Variants in ZFYVE9 observed in about 807,000 individuals in gnomAD.
The protein encoded by ZFYVE9 is zinc finger FYVE-type containing 9.
Under a neutral mutation model 126.7 loss-of-function variants are expected in ZFYVE9, and 43 were observed. The observed-to-expected ratio is 0.34, with a 90% CI of 0.27 to 0.44. The LOEUF (loss-of-function observed/expected upper bound fraction) is 0.44. Among genes scored for constraint, ZFYVE9 ranks in the 20% least tolerant of loss-of-function variants. The probability of loss-of-function intolerance (pLI) is 1.00; values close to 1 mark genes in which losing one functional copy is unlikely to be tolerated. For synonymous variants in ZFYVE9, 521 were observed against 597.4 expected (o/e 0.87, Z 1.87); for missense variants, 1,476 against 1,697.0 (o/e 0.87, Z 2.29).
intron 11 of ZFYVE9, among the ~76,000 whole-genome samples, chr1:52,294,348 T>G (rs1163497943): frequency 6.6e-6 from 1 of 152,232 alleles, no homozygotes; most frequent in Non-Finnish European, 1.5e-5. Flanking sequence ...AATGCTTGCC[T>G]TCTATTTTAT....
At position 52,268,470 on chromosome 1, in the gene ZFYVE9, G is replaced by T. The variant is rs775986020; in HGVS notation, c.2463G>T (p.Gln821His). Residue 821 changes from glutamine (Q) to histidine (H), a missense_variant, in exon 7 of 19, where the codon CAG (glutamine) becomes CAT (histidine). Gln to His is a conservative substitution (Grantham distance 24). Around this residue, in one of 2 missense-constraint regions of ZFYVE9, gnomAD observed 669 missense variants for 902.4 expected, o/e 0.74. Coordinates refer to ENST00000287727, the MANE Select transcript of ZFYVE9 (RefSeq NM_004799.4). Reference protein sequence around the residue: ...VLKHPGAEVAQPREQRRVWFA... With the variant: ...VLKHPGAEVAHPREQRRVWFA... ...TTTTTCTGGCCCCTCAAGTGGCTCA[G>T]CCCAGAGAGCAGAGGCGAGTTTGGT... 2.5e-6 allele frequency: 4 copies of T among 1,613,804 alleles called. No homozygotes were observed. In the South Asian group the frequency reaches 4.4e-5, roughly 18 times the overall value.
intron 2 of ZFYVE9, among the ~76,000 whole-genome samples, chr1:52,219,899 T>C (rs1645108385): frequency 6.6e-6 from 1 of 151,832 alleles, no homozygotes; most frequent in Non-Finnish European, 1.5e-5. Context: ...TGCCTTGGCC[T>C]CCTGAGTAGC....
At chr1:52,180,431 T>A in intron 1 of ZFYVE9, 1 of 1,415,556 alleles carries the variant, frequency 7.1e-7, no homozygotes, top group Non-Finnish European at 9.9e-7. Flanking sequence ...GAAAACTGTC[T>A]GAATCTGGAG....
In ZFYVE9 at chr1:52,346,341, TAGGGTGGGA is replaced by T; in HGVS notation, c.*121_*129del. ...TTAACACTATTAATGGGGTGGGGAA[TAGGGTGGGA>T]GTGGGGGTTTGGGAGACGGGTGGGA... is the stretch of plus-strand genomic sequence containing the variant. On this transcript the variant is annotated 3_prime_UTR_variant, in exon 19 of 19. Transcript: ENST00000287727. 6 of 948,116 alleles carry T rather than the reference TAGGGTGGGA, an allele frequency of 6.3e-6. No individual in the cohort carries two copies. Among genetic ancestry groups the T allele is most frequent in the Non-Finnish European group, 8.7e-6 (6 of 691,148 alleles). The allele number at this position is 948,116 out of a possible 1,614,324, so 58.7% of individuals were successfully genotyped here.
intron 1 of ZFYVE9, among the ~76,000 whole-genome samples, chr1:52,203,667 T>C (rs991854533): frequency 2.0e-5 from 3 of 151,040 alleles, no homozygotes; most frequent in Admixed American, 6.6e-5. Flanking sequence ...TTTTTCTCTT[T>C]TCCTTCTGGT....
intron 2 of ZFYVE9, among the ~76,000 whole-genome samples, chr1:52,220,805 G>T (rs1475652264): frequency 6.6e-6 from 1 of 152,154 alleles, no homozygotes; most frequent in African/African-American, 2.4e-5. Flanking sequence ...AGAAGATGGG[G>T]ATCGCAGCTG....
intron 1 of ZFYVE9, among the ~76,000 whole-genome samples, chr1:52,214,138 T>C (rs1232272583): frequency 1.3e-5 from 2 of 152,068 alleles, no homozygotes; most frequent in Non-Finnish European, 2.9e-5. Flanking sequence ...TGTAAAGTTA[T>C]AAATGTGGCC....
chr1:52,201,211 A>G (rs867257422), intron 1 of ZFYVE9, among the ~76,000 whole-genome samples: 1 of 152,070 alleles, frequency 6.6e-6, no homozygotes, highest in Middle Eastern at 3.2e-3. Context: ...TGTTATATTT[A>G]TATAGAAGTA....
intron 1 of ZFYVE9, among the ~76,000 whole-genome samples, chr1:52,195,894 G>A (rs1378697795): frequency 1.3e-5 from 2 of 151,892 alleles, no homozygotes; most frequent in African/African-American, 4.8e-5. Flanking sequence ...ATGGGTTCAA[G>A]CAATTCTCCT....
intron 4 of ZFYVE9, among the ~76,000 whole-genome samples, chr1:52,259,970 C>T (rs1172480250): frequency 1.3e-5 from 2 of 152,110 alleles, no homozygotes; most frequent in East Asian, 3.9e-4. Flanking sequence ...TACTGATGAA[C>T]ACTTGGGTTG....
Position 52,239,029 on chromosome 1 carries a change from A to C in ZFYVE9, c.1612A>C (p.Thr538Pro), listed in dbSNP as rs753280627. ...AGGGAGTGGACTACTTTTAAACAGC[A>C]CTGGTGACCTAATGAAGAAAAATTA... ...TEGSGLLLNSTGDLMKKNYLH... is the reference protein window; with the variant it reads ...TEGSGLLLNSPGDLMKKNYLH... The change falls in exon 4 of 19, where the codon ACT (threonine) becomes CCT (proline). Residue 538 changes from threonine (T) to proline (P), a missense_variant. Thr to Pro is a conservative substitution (Grantham distance 38). Around this residue, in one of 2 missense-constraint regions of ZFYVE9, gnomAD observed 807 missense variants for 794.6 expected, o/e 1.02. Transcript: ENST00000287727. 1.9e-6 allele frequency: 3 copies of C among 1,614,164 alleles called. No individual in the cohort carries two copies. The highest frequency in any genetic ancestry group is 1.7e-6 in the Non-Finnish European group (2 of 1,180,008).
intron 1 of ZFYVE9, among the ~76,000 whole-genome samples, chr1:52,203,498 TA>T (rs1335520266): frequency 5.7e-5 from 8 of 139,682 alleles, no homozygotes; most frequent in Admixed American, 2.2e-4. Flanking sequence ...TTTAAGAGAT[TA>T]AAAAAATTTT....
chr1:52,315,881 C>T (rs555206341), intron 13 of ZFYVE9, among the ~76,000 whole-genome samples: 14 of 152,182 alleles, frequency 9.2e-5, no homozygotes, highest in South Asian at 2.1e-4. Context: ...AAAACACGGC[C>T]GGGGCTGGGC....
intron 12 of ZFYVE9, among the ~76,000 whole-genome samples, chr1:52,300,296 G>GA (rs566371977): frequency 1.3e-4 from 19 of 151,802 alleles, no homozygotes; most frequent in Non-Finnish European, 2.7e-4. Context: ...AGAACAATAA[G>GA]AAAAAAAAGT....
chr1:52,338,880 A>G (rs1359267557), intron 16 of ZFYVE9, among the ~76,000 whole-genome samples: 1 of 152,086 alleles, frequency 6.6e-6, no homozygotes, highest in Non-Finnish European at 1.5e-5. Context: ...GCGTGGTGGT[A>G]CATGCCTGTA....
intron 4 of ZFYVE9, among the ~76,000 whole-genome samples, chr1:52,242,079 CT>C (rs1213365336): frequency 4.4e-5 from 6 of 137,078 alleles, no homozygotes; most frequent in Non-Finnish European, 9.0e-5. Context: ...GTTGCCCAGG[CT>C]GGAGTGTATG....
At position 52,337,800 on chromosome 1, in the gene ZFYVE9, G is replaced by A; in HGVS notation, c.3699G>A (p.Glu1233=). 3 of 1,614,216 alleles carry A rather than the reference G, an allele frequency of 1.9e-6. No individual in the cohort carries two copies. Among genetic ancestry groups the A allele is most frequent in the Non-Finnish European group, 2.5e-6 (3 of 1,180,046 alleles). Residue 1233 remains glutamate (E), a synonymous_variant, in exon 16 of 19, where the codon GAG becomes GAA. Coordinates refer to ENST00000287727, the MANE Select transcript of ZFYVE9 (RefSeq NM_004799.4). ...GTGTTATGGTCCAGATTACTGCAGA[G>A]AACATGGATTCCTTGAGGCAGGCAC... ...EDGVMVQITA[E]NMDSLRQALR... is the part of the protein sequence containing the mutation.
At chr1:52,340,975 T>C (rs1646432241) in intron 17 of ZFYVE9, among the ~76,000 whole-genome samples, 1 of 149,976 alleles carries the variant, frequency 6.7e-6, no homozygotes, top group Non-Finnish European at 1.5e-5. Context: ...TCCCAGCACT[T>C]TGAGGGAGAC....
At chr1:52,299,254 A>T (rs1294887370) in intron 12 of ZFYVE9, among the ~76,000 whole-genome samples, 2 of 152,066 alleles carry the variant, frequency 1.3e-5, no homozygotes, top group African/African-American at 2.4e-5. Flanking sequence ...TACTGATTTT[A>T]CATGCTGATT....
Sources: allele counts gnomAD v4.1 joint callset (sites outside exome capture counted in the v4.1 genomes callset), GRCh38; gene constraint gnomAD v4.1.1; regional missense constraint gnomAD v4.1.1; transcripts MANE v1.5; gene names NCBI Gene and HGNC (gene_info 2026-07-23, HGNC 2026-07-21).